Variants in SPIDR observed in about 807,000 individuals in gnomAD.
SPIDR encodes the protein DNA repair-scaffolding protein.
A neutral mutation model predicts 104.6 loss-of-function variants in SPIDR; 93 were observed. That is an observed-to-expected ratio of 0.89 (90% confidence interval 0.75 to 1.06). The LOEUF (loss-of-function observed/expected upper bound fraction) is 1.06. SPIDR is among the 50% of genes least tolerant of loss of function. The pLI, the probability that SPIDR is intolerant of heterozygous loss-of-function variation, is 0.00. For missense variants in SPIDR, 1,154 were observed against 1,111.2 expected, an observed-to-expected ratio of 1.04 and a Z score of -0.55; for synonymous variants, 431 against 416.9, an observed-to-expected ratio of 1.03 and a Z score of -0.41.
chr8:47,482,857 A>G (rs962210690), intron 8 of SPIDR, among the ~76,000 whole-genome samples: 2 of 151,144 alleles, frequency 1.3e-5, no homozygotes, highest in South Asian at 2.1e-4. Flanking sequence ...TTTGTTTGAG[A>G]CAGAGTCTCG....
intron 8 of SPIDR, among the ~76,000 whole-genome samples, chr8:47,559,437 C>T (rs1422116845): frequency 1.3e-5 from 2 of 152,232 alleles, no homozygotes; most frequent in Non-Finnish European, 2.9e-5. Context: ...GATTGGAACA[C>T]ACAAGTGTCC....
chr8:47,679,453 C>T (rs1446159585), intron 11 of SPIDR, among the ~76,000 whole-genome samples: 4 of 148,442 alleles, frequency 2.7e-5, no homozygotes, highest in African/African-American at 1.0e-4. Flanking sequence ...CAGGTGCCCA[C>T]CTGCCCCCAT....
intron 8 of SPIDR, among the ~76,000 whole-genome samples, chr8:47,466,511 A>G (rs1386810547): frequency 6.6e-6 from 1 of 152,210 alleles, no homozygotes; most frequent in African/African-American, 2.4e-5. Flanking sequence ...TCTCTGGAAC[A>G]TAGCTAAGGC....
At position 47,279,870 on chromosome 8, in the gene SPIDR, G is replaced by A; in HGVS notation, c.42G>A (p.Arg14=). 6.2e-7 allele frequency: 1 copy of A among 1,608,202 alleles called. No homozygotes were observed. Among genetic ancestry groups the A allele is most frequent in the South Asian group, 1.1e-5 (1 of 90,468 alleles). The change falls in exon 2 of 20, where the codon AGG becomes AGA. Residue 14 remains arginine, a synonymous_variant. Transcript: ENST00000297423. The part of the protein sequence containing the change: ...GSRARGSKRK[R]SWNTECPSFP... ...AAAAATCATCTCCACAGAGAAAAAG[G>A]AGTTGGAATACAGAATGCCCATCCT...
intron 8 of SPIDR, among the ~76,000 whole-genome samples, chr8:47,488,942 A>G (rs1395815096): frequency 6.6e-6 from 1 of 152,212 alleles, no homozygotes; most frequent in South Asian, 2.1e-4. Flanking sequence ...AAACTCGCAC[A>G]AGACAGGGAT....
intron 5 of SPIDR, among the ~76,000 whole-genome samples, chr8:47,365,629 C>T (rs2057052120): frequency 6.6e-6 from 1 of 152,096 alleles, no homozygotes; most frequent in Non-Finnish European, 1.5e-5. Flanking sequence ...AGCTTCTTGA[C>T]CTTTTTCCTA....
chr8:47,411,229 C>G (rs1484896319), intron 7 of SPIDR, among the ~76,000 whole-genome samples: 1 of 152,180 alleles, frequency 6.6e-6, no homozygotes, highest in Non-Finnish European at 1.5e-5. Context: ...CCTGAGGAAT[C>G]GCCACACTGA....
intron 1 of SPIDR, among the ~76,000 whole-genome samples, chr8:47,272,055 A>T (rs2035441816): frequency 6.6e-6 from 1 of 152,044 alleles, no homozygotes; most frequent in African/African-American, 2.4e-5. Flanking sequence ...GTTCACTGCA[A>T]CTTCTGCCTC....
intron 5 of SPIDR, among the ~76,000 whole-genome samples, chr8:47,320,016 C>G (rs1430324985): frequency 6.6e-6 from 1 of 151,448 alleles, no homozygotes; most frequent in Non-Finnish European, 1.5e-5. Context: ...AAATTGACAC[C>G]CTAACATCAC....
intron 8 of SPIDR, among the ~76,000 whole-genome samples, chr8:47,501,080 G>A (rs2080339760): frequency 6.6e-6 from 1 of 152,192 alleles, no homozygotes; most frequent in South Asian, 2.1e-4. Context: ...GTAGCGTGAT[G>A]CTTCCAGCTT....
chr8:47,536,788 T>A (rs891146192), intron 8 of SPIDR, among the ~76,000 whole-genome samples: 1 of 152,210 alleles, frequency 6.6e-6, no homozygotes, highest in Admixed American at 6.5e-5. Context: ...TGAAAGACAC[T>A]GTTAAGACAA....
intron 8 of SPIDR, among the ~76,000 whole-genome samples, chr8:47,495,634 G>T (rs1264919602): frequency 6.6e-6 from 1 of 151,866 alleles, no homozygotes; most frequent in Non-Finnish European, 1.5e-5. Context: ...TCAAATATTT[G>T]CTCCAATTTT....
chr8:47,323,924 A>G (rs2047225554), intron 5 of SPIDR, among the ~76,000 whole-genome samples: 2 of 152,180 alleles, frequency 1.3e-5, no homozygotes, highest in South Asian at 4.1e-4. Context: ...AAACATTTAT[A>G]AGAAATAATA....
intron 5 of SPIDR, among the ~76,000 whole-genome samples, chr8:47,298,210 G>A (rs1313325219): frequency 6.6e-6 from 1 of 152,206 alleles, no homozygotes; most frequent in Non-Finnish European, 1.5e-5. Flanking sequence ...GATGGCCAGT[G>A]ATGATGAGCA....
At chr8:47,328,422 T>A (rs1554601942) in intron 5 of SPIDR, among the ~76,000 whole-genome samples, 1 of 151,896 alleles carries the variant, frequency 6.6e-6, no homozygotes, top group Non-Finnish European at 1.5e-5. Context: ...TAATTATTTT[T>A]TTTTTTTTTT....
intron 16 of SPIDR, among the ~76,000 whole-genome samples, chr8:47,725,700 G>C (rs2084130578): frequency 6.6e-6 from 1 of 152,190 alleles, no homozygotes. Flanking sequence ...TTAAGTGAAT[G>C]TTTAATCATA....
At chr8:47,373,402 G>A (rs2058278876) in intron 5 of SPIDR, among the ~76,000 whole-genome samples, 1 of 152,104 alleles carries the variant, frequency 6.6e-6, no homozygotes, top group Non-Finnish European at 1.5e-5. Context: ...TACTTTGTGT[G>A]GTGTTTGGCA....
At chr8:47,331,989 C>CTTTTTTTTTTTTTTTTTTTTTTTT (rs1289524835) in intron 5 of SPIDR, among the ~76,000 whole-genome samples, 12 of 36,322 alleles carry the variant, frequency 3.3e-4, no homozygotes, top group Non-Finnish European at 6.0e-4. Flanking sequence ...TTTTTTTTCT[C>CTTTTTTTTTTTTTTTTTTTTTTTT]TTTTTTTTTT....
chr8:47,725,453 G>T (rs1165407687), intron 16 of SPIDR, among the ~76,000 whole-genome samples: 1 of 152,112 alleles, frequency 6.6e-6, no homozygotes, highest in Non-Finnish European at 1.5e-5. Flanking sequence ...GTATAGTGGC[G>T]TGATCTCGGC....
Sources: gnomAD v4.1 joint callset for allele counts (sites outside exome capture counted in the v4.1 genomes callset) on GRCh38, gnomAD v4.1.1 for gene constraint, MANE v1.5 for transcripts, NCBI Gene and HGNC (gene_info 2026-07-23, HGNC 2026-07-21) for gene names.